Variants in ARSB observed in about 807,000 individuals in gnomAD.
ARSB encodes the protein arylsulfatase B.
In ARSB, 41 loss-of-function variants were observed where a neutral mutation model predicts 50.9. That is an observed-to-expected ratio of 0.81 (90% confidence interval 0.63 to 1.04). The LOEUF is 1.04. Ranked by LOEUF, ARSB falls within the 50% of genes least tolerant of loss-of-function variation. ARSB has a pLI of 0.00. For synonymous variants in ARSB, 269 were observed against 284.8 expected (o/e 0.94, Z 0.56); for missense variants, 672 against 693.3 (o/e 0.97, Z 0.35).
At chr5:78,957,443 G>A (rs886295369) in intron 3 of ARSB, among the ~76,000 whole-genome samples, 3 of 152,106 alleles carry the variant, frequency 2.0e-5, no homozygotes, top group African/African-American at 7.2e-5. Flanking sequence ...TCAGAAATAC[G>A]TTTTCCCTAA....
chr5:78,841,448 G>T (rs571648607), intron 5 of ARSB, among the ~76,000 whole-genome samples: 11 of 152,126 alleles, frequency 7.2e-5, no homozygotes, highest in Non-Finnish European at 1.6e-4. Flanking sequence ...TGGAAGTGGG[G>T]TAAAGCTACT....
At chr5:78,808,615 G>A (rs1350200843) in intron 6 of ARSB, among the ~76,000 whole-genome samples, 1 of 152,156 alleles carries the variant, frequency 6.6e-6, no homozygotes, top group Admixed American at 6.5e-5. Flanking sequence ...GTGAGATTCA[G>A]TTCATGTTGC....
chr5:78,975,543 T>C (rs775089914), intron 1 of ARSB, among the ~76,000 whole-genome samples: 6 of 152,330 alleles, frequency 3.9e-5, no homozygotes, highest in Non-Finnish European at 8.8e-5. Context: ...CCAAGGTTTA[T>C]GGAGTTCTGG....
chr5:78,855,674 C>T (rs1050974700), intron 5 of ARSB, among the ~76,000 whole-genome samples: 2 of 152,152 alleles, frequency 1.3e-5, no homozygotes, highest in African/African-American at 4.8e-5. Context: ...GAAGCACGGA[C>T]ATGTGGACTT....
chr5:78,931,341 A>G (rs1341690340), intron 4 of ARSB, among the ~76,000 whole-genome samples: 2 of 152,192 alleles, frequency 1.3e-5, no homozygotes, highest in African/African-American at 4.8e-5. Flanking sequence ...TGTTTTTTCA[A>G]CTGATAATAC....
At chr5:78,925,780 C>T (rs6890675) in intron 4 of ARSB, among the ~76,000 whole-genome samples, 4,234 of 152,206 alleles carry the variant, frequency 0.028, 132 homozygotes, top group East Asian at 0.073. Context: ...CTGTGCTTTT[C>T]GACAAATGAC....
intron 7 of ARSB, 60 bp from the exon 8 acceptor site, chr5:78,780,722 AG>A: frequency 6.2e-7 from 1 of 1,600,434 alleles, no homozygotes; most frequent in Non-Finnish European, 8.5e-7. Context: ...TTCTAATTTC[AG>A]GGAAGGAGTC....
intron 5 of ARSB, among the ~76,000 whole-genome samples, chr5:78,844,426 A>G (rs1471091266): frequency 1.3e-5 from 2 of 152,126 alleles, no homozygotes; most frequent in Non-Finnish European, 2.9e-5. Flanking sequence ...AATTCTTTAT[A>G]TATTCTATTT....
intron 1 of ARSB, among the ~76,000 whole-genome samples, chr5:78,970,571 A>G (rs1341628005): frequency 6.6e-6 from 1 of 152,204 alleles, no homozygotes. Context: ...TGATACTCTA[A>G]TGTCCAACAG....
At chr5:78,861,935 A>G (rs1484232650) in intron 5 of ARSB, among the ~76,000 whole-genome samples, 1 of 152,234 alleles carries the variant, frequency 6.6e-6, no homozygotes, top group Non-Finnish European at 1.5e-5. Flanking sequence ...TACAAAATCA[A>G]TGTGCAAAAA....
intron 6 of ARSB, among the ~76,000 whole-genome samples, chr5:78,824,430 T>C (rs1256806077): frequency 1.3e-5 from 2 of 152,208 alleles, no homozygotes; most frequent in Admixed American, 1.3e-4. Flanking sequence ...AATATTCAAA[T>C]TGTAGTCAGA....
intron 2 of ARSB, 84 bp downstream of exon 2, chr5:78,968,922 T>C: frequency 6.8e-7 from 1 of 1,465,322 alleles, no homozygotes; most frequent in South Asian, 1.1e-5. Flanking sequence ...TATCCAGTTC[T>C]TTCATTTGAT....
chr5:78,865,963 A>AAT (rs1455804716), intron 5 of ARSB, among the ~76,000 whole-genome samples: 7 of 152,096 alleles, frequency 4.6e-5, no homozygotes, highest in African/African-American at 1.7e-4. Flanking sequence ...CCATTCAACA[A>AAT]ATCTCTAGGA....
rs1749577510 is a variant in ARSB, at chr5:78,916,947, G to A, written c.899-31120C>T. ...TGCTCCTATAAAGCTGAATTCTGGT[G>A]AAGGAGACAGGTGATAAATAAGGAA... On this transcript the variant is annotated intron_variant, in intron 4 of 7. Coordinates refer to ENST00000264914, the MANE Select transcript of ARSB (RefSeq NM_000046.5). Among the ~76,000 whole-genome samples, 6 of 152,360 alleles carry A rather than the reference G, an allele frequency of 3.9e-5. No individual in the cohort carries two copies. The South Asian group carries it at 1.2e-3, about 32-fold the overall frequency.
chr5:78,984,424 C>A (rs2112577916), intron 1 of ARSB, among the ~76,000 whole-genome samples: 1 of 152,336 alleles, frequency 6.6e-6, no homozygotes, highest in South Asian at 2.1e-4. Flanking sequence ...AACCTAGCAT[C>A]AGGTTTCATT....
intron 5 of ARSB, chr5:78,885,379 C>T (rs756374710): frequency 9.9e-5 from 74 of 746,440 alleles, no homozygotes; most frequent in Non-Finnish European, 1.4e-4. Flanking sequence ...TTGTTCTTCA[C>T]GTAAAACACA....
At chr5:78,980,784 T>C (rs116731624) in intron 1 of ARSB, among the ~76,000 whole-genome samples, 2,168 of 152,054 alleles carry the variant, frequency 0.014, 50 homozygotes, top group African/African-American at 0.049. Context: ...TAAGCCCTTT[T>C]GCAGCTTTTA....
At chr5:78,955,172 C>G in intron 4 of ARSB, 123 bp downstream of exon 4, 2 of 912,174 alleles carry the variant, frequency 2.2e-6, no homozygotes, top group Non-Finnish European at 1.7e-6. Flanking sequence ...CATGTCTCCA[C>G]TATTGCAGTT....
At position 78,927,015 on chromosome 5, in the gene ARSB, A is replaced by G. The variant is rs1051631228; in HGVS notation, c.898+28280T>C. On this transcript the variant is annotated intron_variant, in intron 4 of 7. Coordinates refer to ENST00000264914, the MANE Select transcript of ARSB (RefSeq NM_000046.5). The stretch of plus-strand genomic sequence containing the variant: ...TCCCACCTCAGCCTCCCGAGTAGCT[A>G]GGACCACAGGCATGTGCCATCACAC... Among the ~76,000 whole-genome samples the G allele has an allele frequency of 2.6e-5, 4 of 152,206 alleles. No individual in the cohort carries two copies. The South Asian group carries it at 8.3e-4, about 32-fold the overall frequency.
Sources: allele counts gnomAD v4.1 joint callset (sites outside exome capture counted in the v4.1 genomes callset), GRCh38; gene constraint gnomAD v4.1.1; transcripts MANE v1.5; gene names NCBI Gene and HGNC (gene_info 2026-07-23, HGNC 2026-07-21).